The following ZNF730 variants were observed in gnomAD, a reference collection of about 807,000 sequenced individuals.
ZNF730 encodes the protein putative zinc finger protein 730.
In ZNF730, 12 loss-of-function variants were observed where a neutral mutation model predicts 12.6. That is an observed-to-expected ratio of 0.95 (90% CI 0.61 to 1.54). The LOEUF (loss-of-function observed/expected upper bound fraction) is 1.54, where lower values mean the gene tolerates loss of function less well. ZNF730 is among the 40% of genes most tolerant of loss of function. The pLI, the probability that ZNF730 is intolerant of heterozygous loss-of-function variation, is 0.00. For missense variants in ZNF730, 643 were observed against 583.5 expected, an observed-to-expected ratio of 1.10 and a Z score of -1.05; for synonymous variants, 194 against 195.8, an observed-to-expected ratio of 0.99 and a Z score of 0.08.
At chr19:23,118,349 G>A (rs1970558278) in intron 1 of ZNF730, among the ~76,000 whole-genome samples, 1 of 149,692 alleles carries the variant, frequency 6.7e-6, no homozygotes, top group Non-Finnish European at 1.5e-5. Flanking sequence ...AGTGTTTTGG[G>A]GTCAAGTTTG....
chr19:23,092,530 G>A (rs535008157), intron 1 of ZNF730, among the ~76,000 whole-genome samples: 3 of 152,180 alleles, frequency 2.0e-5, no homozygotes, highest in Non-Finnish European at 2.9e-5. Context: ...CAGAGGTTGC[G>A]GTGAGCCAAG....
At chr19:23,108,190 G>T (rs1022547615) in intron 1 of ZNF730, among the ~76,000 whole-genome samples, 2 of 152,146 alleles carry the variant, frequency 1.3e-5, no homozygotes, top group African/African-American at 4.8e-5. Context: ...TTAATTTACA[G>T]CGGTGGCATT....
chr19:23,101,421 T>C (rs1472598436), intron 1 of ZNF730, among the ~76,000 whole-genome samples: 4 of 152,314 alleles, frequency 2.6e-5, no homozygotes, highest in Non-Finnish European at 1.5e-5. Flanking sequence ...ACCATTGATA[T>C]TGTGACTCAC....
intron 1 of ZNF730, among the ~76,000 whole-genome samples, chr19:23,080,845 T>C (rs1279368429): frequency 2.1e-5 from 3 of 141,282 alleles, no homozygotes; most frequent in Admixed American, 7.0e-5. Context: ...CTTTTTTCTT[T>C]TCTTTTTTTT....
upstream of ZNF730, among the ~76,000 whole-genome samples, chr19:23,115,213 T>C (rs1970504522): frequency 6.6e-6 from 1 of 152,028 alleles, no homozygotes; most frequent in African/African-American, 2.4e-5. Flanking sequence ...GTTACTCTAG[T>C]AATATAGTTT....
At chr19:23,117,023 C>G (rs975721614), upstream of ZNF730, 9 of 1,184,164 alleles carry the variant, frequency 7.6e-6, no homozygotes, top group Non-Finnish European at 1.0e-5. Flanking sequence ...GGATTTGGCG[C>G]GGCCTTTGTT....
At position 23,081,159 on chromosome 19, in the gene ZNF730, T is replaced by G. The variant is rs191761719; in HGVS notation, c.-94+5772T>G. On this transcript the variant is annotated intron_variant, in intron 1 of 2. Coordinates refer to the ZNF730 transcript ENST00000593635. ...CCATACTAGACCTCTTTTTTTCTTT[T>G]TTTTTTTGAGGGTCTCACTTTGTTG... Among the ~76,000 whole-genome samples the G allele has an allele frequency of 3.0e-4, 45 of 151,834 alleles. 1 individual carries two copies. In the East Asian group the frequency reaches 8.4e-3, roughly 28 times the overall value.
At position 23,145,975 on chromosome 19, in the gene ZNF730, C is replaced by G. The variant is rs1271882858; in HGVS notation, c.931C>G (p.Pro311Ala). The change falls in exon 4 of 4, where the codon CCA becomes GCA. Residue 311 changes from proline (P) to alanine (A), a missense_variant. Physicochemically the swap from Pro to Ala is conservative, Grantham distance 27. Coordinates refer to ENST00000597761, the MANE Select transcript of ZNF730 (RefSeq NM_001277403.2). The stretch of plus-strand genomic sequence containing the variant: ...TAAGAAAATTCATACTAAAGAGCAA[C>G]CATACAAATGCGAAAAATGTGGCAA... ...EHKKIHTKEQ[P>A]YKCEKCGKAF... is the part of the protein sequence containing the mutation. 6.2e-7 allele frequency: 1 copy of G among 1,607,088 alleles called. No homozygotes were observed. Among genetic ancestry groups the G allele is most frequent in the Non-Finnish European group, 8.5e-7 (1 of 1,178,152 alleles).
intron 1 of ZNF730, among the ~76,000 whole-genome samples, chr19:23,132,565 T>C (rs559584500): frequency 2.7e-5 from 4 of 150,732 alleles, no homozygotes; most frequent in African/African-American, 9.7e-5. Context: ...ATTCTCACCA[T>C]GAATTTATAA....
rs1339375842 is a variant in ZNF730, at chr19:23,086,422, T to TA, written c.-94+11035_-94+11036insA. On this transcript the variant is annotated intron_variant, in intron 1 of 2. Coordinates refer to the ZNF730 transcript ENST00000593635. ...GTTACCTAGGTTGTCTTTCAGGGTT[T>TA]TTATAGTTTTGGGTTTTTCATTTAA... Among the ~76,000 whole-genome samples the TA allele has an allele frequency of 2.7e-3, 408 of 152,326 alleles. 2 individuals are homozygous for TA. Among genetic ancestry groups the TA allele is most frequent in the African/African-American group, 9.6e-3 (397 of 41,570 alleles).
At chr19:23,106,605 A>G (rs1038851200) in intron 1 of ZNF730, among the ~76,000 whole-genome samples, 1 of 152,134 alleles carries the variant, frequency 6.6e-6, no homozygotes, top group Middle Eastern at 3.2e-3. Flanking sequence ...TAGCCTGACC[A>G]ACATGGAGAA....
At chr19:23,119,681 G>T (rs1414348512) in intron 1 of ZNF730, among the ~76,000 whole-genome samples, 3 of 152,098 alleles carry the variant, frequency 2.0e-5, no homozygotes, top group Admixed American at 6.6e-5. Flanking sequence ...GCTGGGTGTG[G>T]TGGTGCACAC....
At position 23,131,408 on chromosome 19, in the gene ZNF730, C is replaced by T. The variant is rs1034593529; in HGVS notation, c.4-2672C>T. Among the ~76,000 whole-genome samples, 6 of 152,286 alleles carry T rather than the reference C, an allele frequency of 3.9e-5. No homozygotes were observed. In the South Asian group the frequency reaches 1.2e-3, roughly 32 times the overall value. On this transcript the variant is annotated intron_variant, in intron 1 of 3. Coordinates refer to ENST00000597761, the MANE Select transcript of ZNF730 (RefSeq NM_001277403.2). Reference sequence around the variant, plus strand: ...GTAGCATCTTATTGAGCTTGTAGTACCTGAATAATAAACATTGCATTACTG... The same window carrying T: ...GTAGCATCTTATTGAGCTTGTAGTATCTGAATAATAAACATTGCATTACTG...
intron 1 of ZNF730, among the ~76,000 whole-genome samples, chr19:23,107,773 T>TG (rs1970413010): frequency 6.6e-6 from 1 of 152,260 alleles, no homozygotes; most frequent in Admixed American, 6.5e-5. Flanking sequence ...TTGTTTATGG[T>TG]GGAACACACT....
chr19:23,090,115 G>A (rs547234153), intron 1 of ZNF730, among the ~76,000 whole-genome samples: 10 of 152,176 alleles, frequency 6.6e-5, no homozygotes, highest in South Asian at 4.1e-4. Flanking sequence ...GTGTGGTGGC[G>A]CATGCCTGTA....
chr19:23,133,903 G>C (rs1970780408), intron 1 of ZNF730, among the ~76,000 whole-genome samples, 177 bp from the exon 2 acceptor site: 1 of 152,172 alleles, frequency 6.6e-6, no homozygotes, highest in Non-Finnish European at 1.5e-5. Context: ...TCTTTTCTCA[G>C]AGTTAGAGTA....
At chr19:23,134,594 GGT>G (rs1491118408) in intron 2 of ZNF730, among the ~76,000 whole-genome samples, 11 of 52,848 alleles carry the variant, frequency 2.1e-4, no homozygotes, top group Non-Finnish European at 3.7e-4. Flanking sequence ...CGTCCTGGAG[GGT>G]GGGGGGGGGG....
At chr19:23,094,376 A>ATCTATCTG (rs1421434622) in intron 1 of ZNF730, among the ~76,000 whole-genome samples, 4 of 143,282 alleles carry the variant, frequency 2.8e-5, no homozygotes, top group African/African-American at 1.1e-4. Flanking sequence ...CTATCTATCT[A>ATCTATCTG]TCTATCTATC....
At chr19:23,132,917 T>G (rs893443386) in intron 1 of ZNF730, among the ~76,000 whole-genome samples, 2 of 152,222 alleles carry the variant, frequency 1.3e-5, no homozygotes, top group African/African-American at 2.4e-5. Flanking sequence ...AACTGATGTT[T>G]CTTTGTAGTT....
Sources: allele counts gnomAD v4.1 joint callset (sites outside exome capture counted in the v4.1 genomes callset), GRCh38; gene constraint gnomAD v4.1.1; transcripts MANE v1.5; gene names NCBI Gene and HGNC (gene_info 2026-07-23, HGNC 2026-07-21).